Variants in LYPD6B observed in about 807,000 individuals in gnomAD.
The protein encoded by LYPD6B is LY6/PLAUR domain containing 6B, also known as ly6/PLAUR domain-containing protein 6B.
Under a neutral mutation model 22.8 loss-of-function variants are expected in LYPD6B, and 17 were observed. The ratio of observed to expected loss-of-function variants is 0.75; its 90% CI spans 0.51 to 1.12. The LOEUF (loss-of-function observed/expected upper bound fraction) is 1.12, where lower values mean the gene tolerates loss of function less well. Among genes scored for constraint, LYPD6B ranks in the 50% most tolerant of loss-of-function variants. The pLI is 0.00. For missense variants in LYPD6B, 221 were observed against 258.3 expected (o/e 0.86, Z 0.99); for synonymous variants, 106 against 91.6 (o/e 1.16, Z -0.90).
At chr2:149,087,076 CA>C (rs1685436126) in intron 1 of LYPD6B, among the ~76,000 whole-genome samples, 1 of 151,842 alleles carries the variant, frequency 6.6e-6, no homozygotes, top group Non-Finnish European at 1.5e-5. Flanking sequence ...ATTAGGACTT[CA>C]ACATGTGAAT....
At chr2:149,213,860 T>A (rs1318464302) in intron 6 of LYPD6B, among the ~76,000 whole-genome samples, 2 of 152,134 alleles carry the variant, frequency 1.3e-5, no homozygotes, top group African/African-American at 4.8e-5. Context: ...CCGAGGTGAT[T>A]CTGATGTGCA....
At position 149,159,584 on chromosome 2, in the gene LYPD6B, G is replaced by T. The variant is rs571059419; in HGVS notation, c.6-1180G>T. Among the ~76,000 whole-genome samples, 3 of 102,014 alleles carry T rather than the reference G, an allele frequency of 2.9e-5. No individual in the cohort carries two copies. The East Asian group carries it at 6.7e-4, about 23-fold the overall frequency. The allele number at this position is 102,014 out of a possible 152,430, so 66.9% of individuals were successfully genotyped here. A position where few individuals can be genotyped will look rare whatever the true frequency, so the allele number is the denominator to read the frequency against. ...GAGAACCCTGCCCGAGAGAGCATAT[G>T]TGTGCGTGTGTGTGTGTGTGTGTGT... On this transcript the variant is annotated intron_variant, in intron 2 of 6. Transcript: ENST00000409642.
chr2:149,040,705 A>G (rs1338349290), intron 1 of LYPD6B, among the ~76,000 whole-genome samples: 2 of 152,304 alleles, frequency 1.3e-5, no homozygotes, highest in East Asian at 3.9e-4. Flanking sequence ...CTGACAAAAC[A>G]GGACATGTTC....
intron 3 of LYPD6B, among the ~76,000 whole-genome samples, chr2:149,189,088 A>G (rs1692310682): frequency 6.6e-6 from 1 of 151,604 alleles, no homozygotes; most frequent in African/African-American, 2.4e-5. Context: ...CTCCTTTCCT[A>G]TTGGAGTGGA....
chr2:149,041,560 G>A (rs1465011797), intron 1 of LYPD6B, among the ~76,000 whole-genome samples: 2 of 152,148 alleles, frequency 1.3e-5, no homozygotes, highest in African/African-American at 2.4e-5. Context: ...CATGCTCCAT[G>A]TCTGAACACA....
chr2:149,055,915 G>A (rs1683767230), intron 1 of LYPD6B, among the ~76,000 whole-genome samples: 1 of 152,208 alleles, frequency 6.6e-6, no homozygotes, highest in Non-Finnish European at 1.5e-5. Context: ...AGTGCTGAGA[G>A]CAACATCCTT....
chr2:149,104,338 A>C (rs1234469792), intron 1 of LYPD6B, among the ~76,000 whole-genome samples: 1 of 152,154 alleles, frequency 6.6e-6, no homozygotes, highest in East Asian at 1.9e-4. Context: ...ATATGATTTC[A>C]TGTTCCCATA....
chr2:149,142,930 TTAGAA>T (rs1317364947), intron 2 of LYPD6B, among the ~76,000 whole-genome samples: 1 of 152,180 alleles, frequency 6.6e-6, no homozygotes, highest in Non-Finnish European at 1.5e-5. Flanking sequence ...AACTTTTACT[TTAGAA>T]TAGTTATAGA....
At chr2:149,078,865 G>T (rs1684993033) in intron 1 of LYPD6B, among the ~76,000 whole-genome samples, 3 of 152,044 alleles carry the variant, frequency 2.0e-5, no homozygotes, top group South Asian at 4.2e-4. Context: ...AAAATTAGCA[G>T]GGTGTGGTAG....
chr2:149,190,770 A>G (rs1692436439), intron 3 of LYPD6B, among the ~76,000 whole-genome samples: 1 of 152,172 alleles, frequency 6.6e-6, no homozygotes, highest in Non-Finnish European at 1.5e-5. Flanking sequence ...TATGATTTCT[A>G]GTAGCTATTT....
intron 2 of LYPD6B, among the ~76,000 whole-genome samples, chr2:149,146,728 C>T (rs1005973714): frequency 1.3e-5 from 2 of 152,028 alleles, no homozygotes; most frequent in African/African-American, 4.8e-5. Context: ...ATTAACAACC[C>T]CAAGGATGTG....
chr2:149,151,429 C>T (rs558598411), intron 2 of LYPD6B, among the ~76,000 whole-genome samples: 9 of 152,278 alleles, frequency 5.9e-5, no homozygotes, highest in African/African-American at 1.4e-4. Flanking sequence ...CTTTCAAGTC[C>T]AGAGAACTCT....
At chr2:149,063,456 G>A (rs1317977306) in intron 1 of LYPD6B, among the ~76,000 whole-genome samples, 5 of 152,154 alleles carry the variant, frequency 3.3e-5, no homozygotes, top group African/African-American at 1.2e-4. Flanking sequence ...TTAGCTGATT[G>A]ATGCTCCACT....
intron 3 of LYPD6B, among the ~76,000 whole-genome samples, chr2:149,168,769 A>T (rs1218301716): frequency 6.6e-6 from 1 of 152,178 alleles, no homozygotes; most frequent in East Asian, 1.9e-4. Flanking sequence ...TGCAGCACAC[A>T]CTCTGATCAT....
intron 1 of LYPD6B, among the ~76,000 whole-genome samples, chr2:149,106,585 A>ACTG (rs1304554344): frequency 6.6e-6 from 1 of 152,134 alleles, no homozygotes; most frequent in East Asian, 1.9e-4. Flanking sequence ...ATATTCCCTT[A>ACTG]CTGCATTTCT....
chr2:149,074,178 A>G (rs1290756476), intron 1 of LYPD6B, among the ~76,000 whole-genome samples: 2 of 152,148 alleles, frequency 1.3e-5, no homozygotes, highest in African/African-American at 4.8e-5. Context: ...GGTTCAGGTC[A>G]GAGGCTCAAG....
intron 2 of LYPD6B, among the ~76,000 whole-genome samples, chr2:149,136,165 A>G: frequency 6.6e-6 from 1 of 152,228 alleles, no homozygotes; most frequent in East Asian, 1.9e-4. Flanking sequence ...CATTCTGGCA[A>G]CCAAAGCAAA....
intron 2 of LYPD6B, among the ~76,000 whole-genome samples, chr2:149,146,677 G>T (rs573489174): frequency 1.8e-4 from 28 of 151,686 alleles, no homozygotes; most frequent in African/African-American, 6.8e-4. Context: ...AGTCTTGGCC[G>T]AACTATGGCT....
intron 1 of LYPD6B, among the ~76,000 whole-genome samples, chr2:149,123,361 C>A (rs892656491): frequency 6.6e-6 from 1 of 151,902 alleles, no homozygotes; most frequent in East Asian, 1.9e-4. Flanking sequence ...GGATTTTGGG[C>A]CTGGTTTTAT....
Sources: gnomAD v4.1 joint callset for allele counts (sites outside exome capture counted in the v4.1 genomes callset) on GRCh38, gnomAD v4.1.1 for gene constraint, MANE v1.5 for transcripts, NCBI Gene and HGNC (gene_info 2026-07-23, HGNC 2026-07-21) for gene names.